GPC6: variants seen among roughly 807,000 people sequenced by gnomAD.
GPC6 encodes the protein glypican-6.
GPC6 carries 14 observed loss-of-function variants against 55.2 expected under a neutral mutation model. That is an observed-to-expected ratio of 0.25 (90% CI 0.17 to 0.40). The LOEUF (loss-of-function observed/expected upper bound fraction) is 0.40, where lower values mean the gene tolerates loss of function less well. GPC6 is among the 10% of genes least tolerant of loss of function. GPC6 has a pLI of 1.00. For missense variants in GPC6, 641 were observed against 708.5 expected (o/e 0.90, Z 1.08); for synonymous variants, 278 against 259.6 (o/e 1.07, Z -0.68).
At chr13:94,036,082 C>A (rs991189810) in intron 4 of GPC6, among the ~76,000 whole-genome samples, 36 of 151,858 alleles carry the variant, frequency 2.4e-4, no homozygotes, top group African/African-American at 8.0e-4. Context: ...TTAAATAGAT[C>A]TTTTCCTTTT....
intron 1 of GPC6, among the ~76,000 whole-genome samples, chr13:93,336,029 T>C (rs538793576): frequency 6.6e-6 from 1 of 152,232 alleles, no homozygotes; most frequent in Non-Finnish European, 1.5e-5. Context: ...CTCTAAATAA[T>C]AAGATTTTAT....
intron 4 of GPC6, among the ~76,000 whole-genome samples, chr13:94,078,707 A>G (rs996901428): frequency 1.3e-5 from 2 of 151,964 alleles, no homozygotes; most frequent in Non-Finnish European, 2.9e-5. Flanking sequence ...ACTAAAAGAA[A>G]CTCTAAACAG....
chr13:93,649,428 C>T (rs948780343), intron 2 of GPC6, among the ~76,000 whole-genome samples: 9 of 152,082 alleles, frequency 5.9e-5, no homozygotes, highest in African/African-American at 1.7e-4. Flanking sequence ...CCAGCCTGAG[C>T]GACAGAGTGA....
chr13:93,237,148 T>G (rs1301541303), intron 1 of GPC6, among the ~76,000 whole-genome samples: 2 of 152,204 alleles, frequency 1.3e-5, no homozygotes, highest in Non-Finnish European at 2.9e-5. Flanking sequence ...ATTTCCATGC[T>G]GTTTTCCGTA....
intron 1 of GPC6, among the ~76,000 whole-genome samples, chr13:93,288,442 T>G (rs150726555): frequency 8.3e-4 from 127 of 152,270 alleles, no homozygotes; most frequent in Non-Finnish European, 1.5e-3. Context: ...CTCCTCAAAG[T>G]CTTTAAAACT....
At position 94,205,594 on chromosome 13, in the gene GPC6, G is replaced by A. The variant is rs1889876271; in HGVS notation, c.878-80755G>A. ...AGCAGCTTGGGAAAGTTTATGTCCT[G>A]CCTTGCAAAGCAGAGATGTACCTGA... On this transcript the variant is annotated intron_variant, in intron 4 of 8. Transcript: ENST00000377047. 2.0e-5 allele frequency among the ~76,000 whole-genome samples: 3 copies of A among 152,148 alleles called. No individual in the cohort carries two copies. The South Asian group carries it at 6.2e-4, about 32-fold the overall frequency.
chr13:93,353,053 A>T (rs1486527298), intron 1 of GPC6, among the ~76,000 whole-genome samples: 2 of 152,094 alleles, frequency 1.3e-5, no homozygotes, highest in Non-Finnish European at 1.5e-5. Context: ...AAGTGGTGGG[A>T]TATTGCATGT....
intron 2 of GPC6, among the ~76,000 whole-genome samples, chr13:93,689,935 A>C (rs1464782739): frequency 6.6e-6 from 1 of 152,138 alleles, no homozygotes; most frequent in Non-Finnish European, 1.5e-5. Flanking sequence ...TAGTGAAACC[A>C]GTATCTGTTA....
chr13:93,423,963 G>A lies in GPC6; in HGVS notation c.161-121300G>A, dbSNP rs574489712. ...AGAAAAAGTACAACTTCCGTATCTG[G>A]TGGAAATCTGCTCCTACCCTCCTTT... On this transcript the variant is annotated intron_variant, in intron 1 of 8. Transcript: ENST00000377047. 1.7e-4 allele frequency among the ~76,000 whole-genome samples: 26 copies of A among 152,166 alleles called. No individual in the cohort carries two copies. In the South Asian group the frequency reaches 4.4e-3, roughly 25 times the overall value.
chr13:94,364,170 A>G (rs189083043), intron 6 of GPC6, among the ~76,000 whole-genome samples: 15 of 152,228 alleles, frequency 9.9e-5, no homozygotes, highest in East Asian at 7.7e-4. Context: ...CTATTTTACA[A>G]GTTGTTTTCT....
Position 94,239,219 on chromosome 13 carries a change from A to G in GPC6, c.878-47130A>G, listed in dbSNP as rs79315890. 3.8e-3 allele frequency among the ~76,000 whole-genome samples: 583 copies of G among 152,232 alleles called. 2 individuals carry two copies. Among genetic ancestry groups the G allele is most frequent in the African/African-American group, 0.014 (569 of 41,542 alleles). ...TTTAATTGTCTCCAGCTGATGATCA[A>G]TTAAGCAAACTGATTGCAGTTGCAT... On this transcript the variant is annotated intron_variant, in intron 4 of 8. Transcript: ENST00000377047.
rs150484463 is a variant in GPC6, at chr13:93,831,555, T to G, written c.711+1010T>G. Among the ~76,000 whole-genome samples the G allele has an allele frequency of 8.2e-5, 9 of 109,928 alleles. No individual in the cohort carries two copies. The East Asian group carries it at 1.8e-3, about 22-fold the overall frequency. 72.1% of individuals were successfully genotyped at this position (109,928 alleles called of 152,430 possible). ...ACTATTGGTACTGTCCTACAATGCT[T>G]CTTTTTTTTTTTTTGACACTTTGGT... On this transcript the variant is annotated intron_variant, in intron 3 of 8. Coordinates refer to ENST00000377047, the MANE Select transcript of GPC6 (RefSeq NM_005708.5).
intron 3 of GPC6, among the ~76,000 whole-genome samples, chr13:93,945,338 A>G (rs979226292): frequency 3.3e-5 from 5 of 152,216 alleles, no homozygotes; most frequent in Non-Finnish European, 7.3e-5. Flanking sequence ...ATAAGGACTA[A>G]TTATTCAGAG....
chr13:93,808,338 C>T (rs1407829302), intron 2 of GPC6, among the ~76,000 whole-genome samples: 4 of 152,086 alleles, frequency 2.6e-5, no homozygotes, highest in Non-Finnish European at 4.4e-5. Context: ...AGAGCCTTAT[C>T]TAAAGACTCC....
chr13:93,759,132 A>G (rs944611241), intron 2 of GPC6, among the ~76,000 whole-genome samples: 1 of 152,154 alleles, frequency 6.6e-6, no homozygotes, highest in Admixed American at 6.6e-5. Flanking sequence ...CAGAGAGGCA[A>G]TGTCATCCTT....
intron 2 of GPC6, among the ~76,000 whole-genome samples, chr13:93,703,112 T>C (rs1040334585): frequency 2.0e-5 from 3 of 151,954 alleles, no homozygotes; most frequent in Non-Finnish European, 4.4e-5. Flanking sequence ...TTATTTAAAA[T>C]AAGAAACTTC....
chr13:93,246,892 T>G (rs1039352816), intron 1 of GPC6, among the ~76,000 whole-genome samples: 1 of 151,606 alleles, frequency 6.6e-6, no homozygotes, highest in Non-Finnish European at 1.5e-5. Flanking sequence ...AAATTGTCTT[T>G]TAGCTGTTTG....
chr13:94,274,521 T>C (rs1892142695), intron 4 of GPC6, among the ~76,000 whole-genome samples: 1 of 152,216 alleles, frequency 6.6e-6, no homozygotes, highest in Non-Finnish European at 1.5e-5. Context: ...TAGCTACATC[T>C]GATTCCTGTC....
At chr13:93,870,381 A>G (rs888295793) in intron 3 of GPC6, among the ~76,000 whole-genome samples, 8 of 151,874 alleles carry the variant, frequency 5.3e-5, no homozygotes, top group African/African-American at 1.7e-4. Context: ...TATTTTTCCA[A>G]CCACAATTGC....
Sources: gnomAD v4.1 joint callset for allele counts (sites outside exome capture counted in the v4.1 genomes callset) on GRCh38, gnomAD v4.1.1 for gene constraint, MANE v1.5 for transcripts, NCBI Gene and HGNC (gene_info 2026-07-23, HGNC 2026-07-21) for gene names.